LYPLAL1: variants seen among roughly 807,000 people sequenced by gnomAD.
LYPLAL1 encodes the protein lysophospholipase like 1, also known as lysophospholipase-like protein 1.
A neutral mutation model predicts 19.7 loss-of-function variants in LYPLAL1; 23 were observed. That is an observed-to-expected ratio of 1.17 (90% confidence interval 0.84 to 1.65). LYPLAL1 has a LOEUF of 1.65. Ranked by LOEUF, LYPLAL1 falls within the 40% of genes most tolerant of loss-of-function variation. LYPLAL1 has a pLI of 0.00. For synonymous variants in LYPLAL1, 119 were observed against 96.3 expected, an observed-to-expected ratio of 1.24 and a Z score of -1.38; for missense variants, 355 against 279.4, an observed-to-expected ratio of 1.27 and a Z score of -1.93.
Position 219,211,954 on chromosome 1 carries a change from C to G in LYPLAL1, c.*226C>G, listed in dbSNP as rs533856824. The G allele has an allele frequency of 5.8e-6, 2 of 345,926 alleles. No individual in the cohort carries two copies. Among genetic ancestry groups the G allele is most frequent in the Admixed American group, 4.3e-5 (1 of 23,088 alleles). 21.4% of individuals were successfully genotyped at this position (345,926 alleles called of 1,614,324 possible). On this transcript the variant is annotated 3_prime_UTR_variant, in exon 5 of 5. Transcript: ENST00000366928. ...CACAATTCTGTAAATATTTGGAAAC[C>G]TTTTAAGTATTTAAACTTTTAAATT...
At chr1:219,202,019 G>A (rs1315675595) in intron 3 of LYPLAL1, among the ~76,000 whole-genome samples, 1 of 152,144 alleles carries the variant, frequency 6.6e-6, no homozygotes, top group Admixed American at 6.5e-5. Context: ...AACTTCTCAT[G>A]TATGTATTCC....
At chr1:219,175,604 TG>T (rs1419797168) in intron 1 of LYPLAL1, among the ~76,000 whole-genome samples, 1 of 152,226 alleles carries the variant, frequency 6.6e-6, no homozygotes, top group African/African-American at 2.4e-5. Flanking sequence ...GAGTCATGTA[TG>T]TATGTATTTT....
the LYPLAL1 span, among the ~76,000 whole-genome samples, chr1:219,230,597 G>T: frequency 3.3e-5 from 5 of 152,182 alleles, no homozygotes; most frequent in Admixed American, 2.6e-4. Context: ...TGGCATTAAA[G>T]TTTTAAAATG....
chr1:219,277,567 G>C, the LYPLAL1 span, among the ~76,000 whole-genome samples: 1 of 152,174 alleles, frequency 6.6e-6, no homozygotes, highest in South Asian at 2.1e-4. Flanking sequence ...AGAACTAGGA[G>C]ATAAGGGAAA....
At chr1:219,217,475 A>G (rs981384905), downstream of LYPLAL1, among the ~76,000 whole-genome samples, 2 of 150,786 alleles carry the variant, frequency 1.3e-5, no homozygotes, top group Non-Finnish European at 3.0e-5. Flanking sequence ...AATATTTTAT[A>G]TAATCTTCAA....
At chr1:219,424,619 C>T in the LYPLAL1 span, among the ~76,000 whole-genome samples, 2 of 152,156 alleles carry the variant, frequency 1.3e-5, no homozygotes, top group Non-Finnish European at 2.9e-5. Flanking sequence ...GTCCTGATGA[C>T]ATCCTCATAC....
the LYPLAL1 span, among the ~76,000 whole-genome samples, chr1:219,397,329 AG>A: frequency 7.9e-5 from 12 of 152,122 alleles, no homozygotes; most frequent in African/African-American, 2.7e-4. Flanking sequence ...TTTTTTGTAG[AG>A]GATTTTTGCA....
At chr1:219,424,833 A>G in the LYPLAL1 span, among the ~76,000 whole-genome samples, 2 of 152,216 alleles carry the variant, frequency 1.3e-5, no homozygotes, top group Admixed American at 1.3e-4. Flanking sequence ...CCCCTATGGC[A>G]AAGTTACTTT....
chr1:219,365,687 A>G, the LYPLAL1 span, among the ~76,000 whole-genome samples: 1 of 152,186 alleles, frequency 6.6e-6, no homozygotes, highest in Non-Finnish European at 1.5e-5. Flanking sequence ...TTTTATGTTT[A>G]GTCATAAAGG....
the LYPLAL1 span, among the ~76,000 whole-genome samples, chr1:219,344,077 C>A: frequency 6.6e-6 from 1 of 152,244 alleles, no homozygotes. Context: ...CTGAGAAAAT[C>A]TTTTCTGAGA....
At chr1:219,343,276 A>G in the LYPLAL1 span, among the ~76,000 whole-genome samples, 1 of 152,222 alleles carries the variant, frequency 6.6e-6, no homozygotes, top group African/African-American at 2.4e-5. Flanking sequence ...GTCCTAGGGG[A>G]GACCTTCATT....
At chr1:219,296,532 A>C in the LYPLAL1 span, among the ~76,000 whole-genome samples, 1 of 152,192 alleles carries the variant, frequency 6.6e-6, no homozygotes, top group African/African-American at 2.4e-5. Flanking sequence ...AACCAGGCAC[A>C]TAAGTGGAGG....
At chr1:219,192,985 C>T in intron 2 of LYPLAL1, 97 bp from the exon 3 acceptor site, 1 of 1,219,434 alleles carries the variant, frequency 8.2e-7, no homozygotes, top group South Asian at 1.7e-5. Context: ...AAATTGAAAT[C>T]ATTTATTCAA....
the LYPLAL1 span, among the ~76,000 whole-genome samples, chr1:219,440,474 T>A: frequency 6.6e-6 from 1 of 152,016 alleles, no homozygotes; most frequent in African/African-American, 2.4e-5. Context: ...CAAAGACCAC[T>A]GAAAGTGTGT....
At chr1:219,244,619 G>A in the LYPLAL1 span, among the ~76,000 whole-genome samples, 2 of 152,064 alleles carry the variant, frequency 1.3e-5, no homozygotes, top group Non-Finnish European at 2.9e-5. Flanking sequence ...TCCAAACCAG[G>A]CTTCATGGTA....
the LYPLAL1 span, among the ~76,000 whole-genome samples, chr1:219,395,273 C>A: frequency 6.6e-6 from 1 of 152,172 alleles, no homozygotes; most frequent in Non-Finnish European, 1.5e-5. Context: ...TCTAGGCAAC[C>A]TTGTCAGGAC....
At chr1:219,373,882 C>CAAAAAAAAAAAAAA in the LYPLAL1 span, among the ~76,000 whole-genome samples, 1 of 119,614 alleles carries the variant, frequency 8.4e-6, no homozygotes, top group Non-Finnish European at 1.7e-5. Flanking sequence ...AAAAAAAAAA[C>CAAAAAAAAAAAAAA]AAAAAAAAAA....
At chr1:219,198,398 A>C (rs986406069) in intron 3 of LYPLAL1, 1 of 152,134 alleles carries the variant, frequency 6.6e-6, no homozygotes. Flanking sequence ...TATAAAAACT[A>C]TCAGAAATGT....
At chr1:219,192,879 T>C (rs1657293117) in intron 2 of LYPLAL1, among the ~76,000 whole-genome samples, 1 of 151,676 alleles carries the variant, frequency 6.6e-6, no homozygotes, top group African/African-American at 2.4e-5. Flanking sequence ...GAACTGGCAT[T>C]AGTAGATTTT....
Sources: gnomAD v4.1 joint callset for allele counts (sites outside exome capture counted in the v4.1 genomes callset) on GRCh38, gnomAD v4.1.1 for gene constraint, MANE v1.5 for transcripts, NCBI Gene and HGNC (gene_info 2026-07-23, HGNC 2026-07-21) for gene names.